NOX5: variants seen among roughly 807,000 people sequenced by gnomAD.
The protein encoded by NOX5 is NADPH oxidase 5, also known as NADPH oxidase, EF-hand calcium binding domain 5.
A neutral mutation model predicts 85.7 loss-of-function variants in NOX5; 76 were observed. The observed-to-expected ratio is 0.89, with a 90% CI of 0.74 to 1.07. The LOEUF (loss-of-function observed/expected upper bound fraction) is 1.07. Ranked by LOEUF, NOX5 falls within the 50% of genes least tolerant of loss-of-function variation. NOX5 has a pLI of 0.00. For missense variants in NOX5, 973 were observed against 999.5 expected, an observed-to-expected ratio of 0.97 and a Z score of 0.36; for synonymous variants, 405 against 401.4, an observed-to-expected ratio of 1.01 and a Z score of -0.11.
intron 14 of NOX5, among the ~76,000 whole-genome samples, chr15:69,053,215 T>C (rs1399593892): frequency 6.6e-6 from 1 of 152,250 alleles, no homozygotes; most frequent in Non-Finnish European, 1.5e-5. Context: ...CTACCCTTAA[T>C]AGGTATAGGA....
chr15:69,056,481 GT>G (rs1468224545), intron 15 of NOX5, 83 bp from the exon 16 acceptor site: 2 of 1,554,194 alleles, frequency 1.3e-6, no homozygotes, highest in Non-Finnish European at 1.7e-6. Context: ...CCGTTATGCT[GT>G]TACCTCCAGG....
chr15:69,016,033 G>A (rs1464334288), intron 1 of NOX5, among the ~76,000 whole-genome samples: 2 of 152,220 alleles, frequency 1.3e-5, no homozygotes, highest in African/African-American at 4.8e-5. Flanking sequence ...TTGAAGCCAC[G>A]AGGGATGAGA....
In NOX5 at chr15:69,031,753, C is replaced by CGAG. The variant is rs1399036360; in HGVS notation, c.565_567dup (p.Glu189dup). ...CGGACGGCAACGGGGCCATCACCTT[C>CGAG]GAGGAGCTCCGGGACGAGCTGCAGC... On this transcript the variant is annotated inframe_insertion, in exon 4 of 16. Transcript: ENST00000388866. The CGAG allele has an allele frequency of 1.2e-6, 2 of 1,611,312 alleles. No individual in the cohort carries two copies. The highest frequency in any genetic ancestry group is 1.7e-6 in the Non-Finnish European group (2 of 1,178,366).
intron 11 of NOX5, 108 bp from the exon 12 acceptor site, chr15:69,047,305 G>A (rs1595787543): frequency 7.1e-7 from 1 of 1,407,378 alleles, no homozygotes; most frequent in East Asian, 2.4e-5. Context: ...CCCAGGAGAT[G>A]TCTTTCTATA....
chr15:69,042,560 G>T, intron 9 of NOX5, 103 bp from the exon 10 acceptor site: 1 of 1,298,176 alleles, frequency 7.7e-7, no homozygotes, highest in Non-Finnish European at 1.1e-6. Context: ...ACCAGGACTT[G>T]GAGGGCTGAG....
intron 1 of NOX5, among the ~76,000 whole-genome samples, chr15:69,018,381 G>A (rs1010330981): frequency 9.2e-5 from 14 of 152,164 alleles, no homozygotes; most frequent in African/African-American, 2.2e-4. Context: ...AGCCTGCTAC[G>A]TGGAGGCTTT....
At chr15:69,045,417 C>G (rs1282061551) in intron 10 of NOX5, among the ~76,000 whole-genome samples, 1 of 152,140 alleles carries the variant, frequency 6.6e-6, no homozygotes, top group Non-Finnish European at 1.5e-5. Context: ...GCTAGATGGC[C>G]TGTCTGCTAA....
At chr15:69,030,175 G>C (rs1003303154) in intron 3 of NOX5, 1 of 152,160 alleles carries the variant, frequency 6.6e-6, no homozygotes, top group African/African-American at 2.4e-5. Flanking sequence ...TCTTAGACTA[G>C]TTACTTAACT....
chr15:69,021,998 A>G (rs1158306603), intron 1 of NOX5, among the ~76,000 whole-genome samples: 1 of 152,222 alleles, frequency 6.6e-6, no homozygotes, highest in African/African-American at 2.4e-5. Flanking sequence ...CACAGTGCAC[A>G]TGCTTGGTGG....
At chr15:69,019,835 A>T (rs529230677) in intron 1 of NOX5, among the ~76,000 whole-genome samples, 1 of 152,246 alleles carries the variant, frequency 6.6e-6, no homozygotes, top group Non-Finnish European at 1.5e-5. Flanking sequence ...CCTGAAAGAT[A>T]GTACAATTCA....
Position 69,035,527 on chromosome 15 carries a change from G to T in NOX5, c.1009+20G>T, listed in dbSNP as rs370169808. 1.9e-6 allele frequency: 3 copies of T among 1,613,146 alleles called. No homozygotes were observed. The highest frequency in any genetic ancestry group is 2.5e-6 in the Non-Finnish European group (3 of 1,179,366). Reference sequence around the variant, plus strand: ...ACTTTGGTGAGTGATCTGGGGCAGGGTTGGGTCGGGGAGAAGCTTGAGCAG... The same window carrying T: ...ACTTTGGTGAGTGATCTGGGGCAGGTTTGGGTCGGGGAGAAGCTTGAGCAG... On this transcript the variant is annotated intron_variant, in intron 6 of 15. Transcript: ENST00000388866.
chr15:69,017,514 C>A (rs1216592218), intron 1 of NOX5, among the ~76,000 whole-genome samples: 1 of 152,170 alleles, frequency 6.6e-6, no homozygotes, highest in Non-Finnish European at 1.5e-5. Flanking sequence ...TCAGAAAAAT[C>A]TTTGAATCTA....
intron 14 of NOX5, among the ~76,000 whole-genome samples, chr15:69,052,857 A>T (rs910041245): frequency 6.6e-6 from 1 of 152,206 alleles, no homozygotes; most frequent in Admixed American, 6.5e-5. Context: ...TACGTATATT[A>T]ATTCATTAGA....
Position 69,026,669 on chromosome 15 carries a change from G to A in NOX5, c.174+18G>A, listed in dbSNP as rs2050362442. The A allele has an allele frequency of 1.2e-6, 2 of 1,613,880 alleles. No individual in the cohort carries two copies. The highest frequency in any genetic ancestry group is 1.1e-5 in the South Asian group (1 of 91,078). The stretch of plus-strand genomic sequence containing the variant: ...TGAAAGAGGCAAGTGTTGGGCCAAG[G>A]TGGAAGCCCTGCATTTATCGTTATG... On this transcript the variant is annotated intron_variant, in intron 2 of 15. Transcript: ENST00000388866.
chr15:69,056,792 AC>A lies in NOX5; in HGVS notation c.*99del. 6.8e-7 allele frequency: 1 copy of A among 1,463,888 alleles called. No homozygotes were observed. Among genetic ancestry groups the A allele is most frequent in the Non-Finnish European group, 9.2e-7 (1 of 1,087,370 alleles). 90.7% of individuals were successfully genotyped at this position (1,463,888 alleles called of 1,614,324 possible). A position where few individuals can be genotyped will look rare whatever the true frequency, so the allele number is the denominator to read the frequency against. Reference sequence around the variant, plus strand: ...CACAGGGACCAGCCTCAGATGACCCACCCAATAAGACAAAGCCTAGGGACCC... The same window carrying A: ...CACAGGGACCAGCCTCAGATGACCCACCAATAAGACAAAGCCTAGGGACCC... On this transcript the variant is annotated 3_prime_UTR_variant, in exon 16 of 16. Transcript: ENST00000388866.
chr15:69,014,792 G>A lies in NOX5; in HGVS notation c.50+7G>A. 1 of 1,543,512 alleles carries A rather than the reference G, an allele frequency of 6.5e-7. No homozygotes were observed. On this transcript the variant is annotated splice_region_variant and intron_variant, in intron 1 of 15. Transcript: ENST00000388866. Reference sequence around the variant, plus strand: ...GCCCTGAAGGCTGTAGAGGGTGAGTGGCTCATTTGTCCAGCTTTCCATGCC... The same window carrying A: ...GCCCTGAAGGCTGTAGAGGGTGAGTAGCTCATTTGTCCAGCTTTCCATGCC...
intron 1 of NOX5, among the ~76,000 whole-genome samples, chr15:69,024,349 T>C (rs2050330383): frequency 6.6e-6 from 1 of 152,112 alleles, no homozygotes; most frequent in Non-Finnish European, 1.5e-5. Flanking sequence ...AGGTCAAAAA[T>C]ACCCAATGAA....
chr15:69,054,937 G>C (rs900921947), intron 14 of NOX5, among the ~76,000 whole-genome samples: 2 of 152,140 alleles, frequency 1.3e-5, no homozygotes, highest in Non-Finnish European at 2.9e-5. Context: ...AATACAAAAA[G>C]TCTTGGCCAG....
At position 69,061,630 on chromosome 15, in the gene NOX5, A is replaced by AG. The variant is rs1285022319; in HGVS notation, c.*4939dup. ...TTTATTTTATGAGGAAATTCATCCC[A>AG]GGGGGAAAAATACTCAACCTGAATG... is the stretch of plus-strand genomic sequence containing the variant. On this transcript the variant is annotated 3_prime_UTR_variant, in exon 16 of 16. Coordinates refer to ENST00000388866, the MANE Select transcript of NOX5 (RefSeq NM_024505.4). The AG allele has an allele frequency of 1.3e-5, 2 of 152,362 alleles. No homozygotes were observed. The highest frequency in any genetic ancestry group is 3.9e-4 in the East Asian group (2 of 5,180). The allele number at this position is 152,362 out of a possible 1,614,324, so 9.4% of individuals were successfully genotyped here. A position where few individuals can be genotyped will look rare whatever the true frequency, so the allele number is the denominator to read the frequency against.
Sources: allele counts gnomAD v4.1 joint callset (sites outside exome capture counted in the v4.1 genomes callset), GRCh38; gene constraint gnomAD v4.1.1; transcripts MANE v1.5; gene names NCBI Gene and HGNC (gene_info 2026-07-23, HGNC 2026-07-21).